Variants in FARS2 observed in about 807,000 individuals in gnomAD.
FARS2 encodes phenylalanyl-tRNA synthetase 2, mitochondrial, also known as phenylalanine--tRNA ligase, mitochondrial.
A neutral mutation model predicts 46.4 loss-of-function variants in FARS2; 40 were observed. The observed-to-expected ratio is 0.86, with a 90% CI of 0.67 to 1.12. FARS2 has a LOEUF of 1.12. Ranked by LOEUF, FARS2 falls within the 50% of genes most tolerant of loss-of-function variation. The probability of loss-of-function intolerance (pLI) is 0.00; values close to 1 mark genes in which losing one functional copy is unlikely to be tolerated. For synonymous variants in FARS2, 234 were observed against 214.9 expected (o/e 1.09, Z -0.78); for missense variants, 513 against 567.9 (o/e 0.90, Z 0.98).
At chr6:5,341,003 C>T (rs1771518010) in intron 1 of FARS2, among the ~76,000 whole-genome samples, 5 of 151,002 alleles carry the variant, frequency 3.3e-5, no homozygotes, top group Admixed American at 6.6e-5. Context: ...AAAAAATTAG[C>T]CAGGCATGGT....
chr6:5,502,707 A>AGT (rs1767872921), intron 4 of FARS2, among the ~76,000 whole-genome samples: 1 of 152,234 alleles, frequency 6.6e-6, no homozygotes, highest in Non-Finnish European at 1.5e-5. Flanking sequence ...AGGTGAGACA[A>AGT]GTAACTCTCA....
At chr6:5,557,830 C>G (rs1771753022) in intron 5 of FARS2, among the ~76,000 whole-genome samples, 1 of 152,058 alleles carries the variant, frequency 6.6e-6, no homozygotes, top group Non-Finnish European at 1.5e-5. Context: ...CTGTGCCTAC[C>G]TTTCATAGGA....
intron 1 of FARS2, among the ~76,000 whole-genome samples, chr6:5,264,043 C>A (rs1372452328): frequency 6.6e-6 from 1 of 152,082 alleles, no homozygotes; most frequent in African/African-American, 2.4e-5. Context: ...AAAACCCCAT[C>A]TATACAAAAA....
At chr6:5,262,748 T>C (rs1581635707) in intron 1 of FARS2, among the ~76,000 whole-genome samples, 1 of 152,232 alleles carries the variant, frequency 6.6e-6, no homozygotes, top group Non-Finnish European at 1.5e-5. Flanking sequence ...TATCTTTAAG[T>C]CTCCTCCCTG....
At chr6:5,325,741 TAAGG>T (rs1197706231) in intron 1 of FARS2, among the ~76,000 whole-genome samples, 1 of 152,156 alleles carries the variant, frequency 6.6e-6, no homozygotes, top group Non-Finnish European at 1.5e-5. Flanking sequence ...TTAAGTTTCA[TAAGG>T]AAGCATGAAA....
rs1762723867 is a variant in FARS2, at chr6:5,765,843, G to A, written c.1218-5448G>A. On this transcript the variant is annotated intron_variant, in intron 6 of 6. Coordinates refer to ENST00000274680, the MANE Select transcript of FARS2 (RefSeq NM_006567.5). This position sits in a 1 kb window ranked among gnomAD's most constrained non-coding sequence, Gnocchi z 4.0. ...GGGTCCCCTTCATGTGCTTCTCTGT[G>A]TCCAACTCAGTGACTGAAACATGCT... Among the ~76,000 whole-genome samples the A allele has an allele frequency of 1.3e-5, 2 of 152,114 alleles. No homozygotes were observed. The highest frequency in any genetic ancestry group is 4.2e-4 in the South Asian group (2 of 4,818).
intron 1 of FARS2, among the ~76,000 whole-genome samples, chr6:5,335,326 A>G (rs1771077835): frequency 6.6e-6 from 1 of 152,206 alleles, no homozygotes; most frequent in African/African-American, 2.4e-5. Flanking sequence ...AAATGAGAAT[A>G]AGAAATGAAT....
At chr6:5,455,374 G>T (rs1764788752) in intron 4 of FARS2, among the ~76,000 whole-genome samples, 1 of 152,160 alleles carries the variant, frequency 6.6e-6, no homozygotes, top group South Asian at 2.1e-4. Context: ...GAAGCAGCAG[G>T]GACGGCCAGA....
intron 6 of FARS2, among the ~76,000 whole-genome samples, chr6:5,639,031 T>C (rs1457460918): frequency 1.3e-5 from 2 of 152,302 alleles, no homozygotes; most frequent in African/African-American, 4.8e-5. Flanking sequence ...TTAAAGATAT[T>C]TCTCTAAAAT....
intron 1 of FARS2, among the ~76,000 whole-genome samples, chr6:5,303,886 T>C (rs1768503315): frequency 6.6e-6 from 1 of 150,846 alleles, no homozygotes; most frequent in African/African-American, 2.5e-5. Context: ...TGGACACTGC[T>C]CATTTTTTGG....
chr6:5,364,380 G>A (rs548586634), intron 1 of FARS2, among the ~76,000 whole-genome samples: 1 of 152,144 alleles, frequency 6.6e-6, no homozygotes, highest in Admixed American at 6.5e-5. Context: ...GCGAAGTCTG[G>A]CCTATTGCCC....
chr6:5,771,496 T>C lies in FARS2; in HGVS notation c.*67T>C, dbSNP rs6923540. The C allele has an allele frequency of 3.7e-4, 568 of 1,530,088 alleles. 5 individuals carry two copies. In the African/African-American group the frequency reaches 6.6e-3, roughly 18 times the overall value. The allele number at this position is 1,530,088 out of a possible 1,614,324, so 94.8% of individuals were successfully genotyped here. On this transcript the variant is annotated 3_prime_UTR_variant, in exon 7 of 7. Transcript: ENST00000274680. Reference sequence around the variant, plus strand: ...GGATTTGCTGAAAGAGAAAAAGATATGGTTTGTGAACTGGGGCATCAATCA... The same window carrying C: ...GGATTTGCTGAAAGAGAAAAAGATACGGTTTGTGAACTGGGGCATCAATCA...
At chr6:5,574,881 G>C (rs780346417) in intron 5 of FARS2, among the ~76,000 whole-genome samples, 3 of 152,028 alleles carry the variant, frequency 2.0e-5, no homozygotes, top group Non-Finnish European at 4.4e-5. Flanking sequence ...TGGCCCTGTG[G>C]AACCTGCATA....
At chr6:5,737,400 A>G (rs895955803) in intron 6 of FARS2, among the ~76,000 whole-genome samples, 1 of 152,334 alleles carries the variant, frequency 6.6e-6, no homozygotes, top group Admixed American at 6.5e-5. Flanking sequence ...ACGTGGTGGC[A>G]TGTGCCTGTA....
chr6:5,399,129 TA>T (rs200585835), intron 2 of FARS2, among the ~76,000 whole-genome samples: 474 of 21,494 alleles, frequency 0.022, 2 homozygotes, highest in Admixed American at 0.045. Context: ...TATATTATTT[TA>T]TTATTATTAT....
intron 4 of FARS2, among the ~76,000 whole-genome samples, chr6:5,466,121 C>CT (rs1446612385): frequency 6.6e-6 from 1 of 152,164 alleles, no homozygotes; most frequent in East Asian, 1.9e-4. Context: ...ATGCGTAGCT[C>CT]TCTGAATGCT....
rs116222676 is a variant in FARS2, at chr6:5,513,208, G to A, written c.905-31972G>A. Among the ~76,000 whole-genome samples, 945 of 152,288 alleles carry A rather than the reference G, an allele frequency of 6.2e-3. 12 individuals are homozygous for A. Among genetic ancestry groups the A allele is most frequent in the African/African-American group, 0.021 (868 of 41,554 alleles). On this transcript the variant is annotated intron_variant, in intron 4 of 6. Coordinates refer to ENST00000274680, the MANE Select transcript of FARS2 (RefSeq NM_006567.5). ...TAGTGACTCATCTCATGTGACAGGTGAGGGAGGGAATGGAGTTCAGATAGT... is the reference window on the plus strand; with the variant it reads ...TAGTGACTCATCTCATGTGACAGGTAAGGGAGGGAATGGAGTTCAGATAGT...
At chr6:5,574,511 A>C (rs1375834942) in intron 5 of FARS2, among the ~76,000 whole-genome samples, 1 of 152,230 alleles carries the variant, frequency 6.6e-6, no homozygotes, top group Non-Finnish European at 1.5e-5. Flanking sequence ...AGAGTGGTTA[A>C]ATGCATTATG....
chr6:5,742,075 G>C (rs1201613227), intron 6 of FARS2, among the ~76,000 whole-genome samples: 3 of 152,206 alleles, frequency 2.0e-5, no homozygotes, highest in Non-Finnish European at 4.4e-5. Context: ...TGTAGATCTG[G>C]CCTTGGGAAA....
Sources: allele counts gnomAD v4.1 joint callset (sites outside exome capture counted in the v4.1 genomes callset), GRCh38; gene constraint gnomAD v4.1.1; non-coding constraint Gnocchi (gnomAD v3.1); transcripts MANE v1.5; gene names NCBI Gene and HGNC (gene_info 2026-07-23, HGNC 2026-07-21).